The following PROS1 variants were observed in gnomAD, a reference collection of about 807,000 sequenced individuals.
The protein encoded by PROS1 is vitamin K-dependent protein S.
Under a neutral mutation model 75.9 loss-of-function variants are expected in PROS1, and 29 were observed. That is an observed-to-expected ratio of 0.38 (90% CI 0.28 to 0.52). PROS1 has a LOEUF of 0.52. Among genes scored for constraint, PROS1 ranks in the 20% least tolerant of loss-of-function variants. The pLI, the probability that PROS1 is intolerant of heterozygous loss-of-function variation, is 0.83. For synonymous variants in PROS1, 245 were observed against 280.6 expected (o/e 0.87, Z 1.27); for missense variants, 680 against 810.3 (o/e 0.84, Z 1.95).
chr3:93,946,736 A>G (rs1709407567), intron 1 of PROS1, among the ~76,000 whole-genome samples: 1 of 152,050 alleles, frequency 6.6e-6, no homozygotes, highest in Non-Finnish European at 1.5e-5. Context: ...CATTCAGGCC[A>G]CAGGCATGGG....
chr3:93,877,213 C>A (rs765866871), intron 13 of PROS1, 22 bp from the exon 14 acceptor site: 2 of 1,542,116 alleles, frequency 1.3e-6, no homozygotes, highest in South Asian at 1.1e-5. Flanking sequence ...AGCAAAGATT[C>A]AATATAAGCA....
At chr3:93,915,134 C>G (rs1708822089) in intron 3 of PROS1, among the ~76,000 whole-genome samples, 2 of 152,180 alleles carry the variant, frequency 1.3e-5, no homozygotes, top group South Asian at 2.1e-4. Context: ...AGCTTTAAAT[C>G]ATTTCTCTTT....
rs1421085031 is a variant in PROS1, at chr3:93,877,051, G to T, written c.1785C>A (p.Ile595=). ...ELSTPLKIET[I]SHEDLQRQLA... is the part of the protein sequence containing the mutation. Reference sequence around the variant, plus strand: ...GTTGTCTTTGAAGGTCTTCATGGGAGATGGTTTCTATTTTAAGTGGTGTCG... The same window carrying T: ...GTTGTCTTTGAAGGTCTTCATGGGATATGGTTTCTATTTTAAGTGGTGTCG... The change falls in exon 14 of 15, where the codon ATC becomes ATA. Residue 595 remains isoleucine, a synonymous_variant. Transcript: ENST00000394236. 6.2e-7 allele frequency: 1 copy of T among 1,614,008 alleles called. No individual in the cohort carries two copies. The highest frequency in any genetic ancestry group is 8.5e-7 in the Non-Finnish European group (1 of 1,179,912).
At chr3:93,908,494 T>C (rs1413192190) in intron 4 of PROS1, among the ~76,000 whole-genome samples, 2 of 151,680 alleles carry the variant, frequency 1.3e-5, no homozygotes, top group East Asian at 3.9e-4. Context: ...AGGGAAAAAA[T>C]GTGTGTGTAT....
Position 93,896,632 on chromosome 3 carries a change from C to T in PROS1, c.909G>A (p.Ala303=), listed in dbSNP as rs537938359. The part of the protein sequence containing the change: ...LDTKYELLYL[A]EQFAGVVLYL... ...ATAAAACAACCCCTGCAAACTGCTC[C>T]GCCAAGTAAAGTAATTCATACTTTG... is the stretch of plus-strand genomic sequence containing the variant. The change falls in exon 9 of 15, where the codon GCG becomes GCA. Residue 303 remains alanine (A), a synonymous_variant. Coordinates refer to ENST00000394236, the MANE Select transcript of PROS1 (RefSeq NM_000313.4). The T allele has an allele frequency of 1.7e-5, 27 of 1,613,758 alleles. No individual in the cohort carries two copies. The highest frequency in any genetic ancestry group is 4.5e-5 in the East Asian group (2 of 44,820).
chr3:93,953,733 C>T (rs1427932819), intron 1 of PROS1, among the ~76,000 whole-genome samples: 3 of 152,120 alleles, frequency 2.0e-5, no homozygotes, highest in Admixed American at 2.0e-4. Context: ...CCAGGGCAAT[C>T]AGGCAGGAGA....
At chr3:93,973,521 T>C in intron 1 of PROS1, 153 bp downstream of exon 1, 3 of 761,494 alleles carry the variant, frequency 3.9e-6, no homozygotes, top group Non-Finnish European at 6.9e-6. Context: ...GCCTGCTCTA[T>C]CCACGGCTGT....
intron 4 of PROS1, among the ~76,000 whole-genome samples, chr3:93,910,140 G>A (rs200120858): frequency 6.6e-6 from 1 of 152,152 alleles, no homozygotes; most frequent in African/African-American, 2.4e-5. Context: ...CCAAAAAAGA[G>A]TCAAAAATAA....
At chr3:93,969,766 CT>C (rs1217397761) in intron 1 of PROS1, among the ~76,000 whole-genome samples, 1 of 152,198 alleles carries the variant, frequency 6.6e-6, no homozygotes, top group Non-Finnish European at 1.5e-5. Context: ...CTTCCTTCCT[CT>C]CTTTTTTCTT....
At chr3:93,903,960 T>C (rs1440801785) in intron 6 of PROS1, among the ~76,000 whole-genome samples, 1 of 133,990 alleles carries the variant, frequency 7.5e-6, no homozygotes, top group African/African-American at 2.8e-5. Context: ...TGCTATCCCT[T>C]CCCCCTCCCC....
intron 1 of PROS1, among the ~76,000 whole-genome samples, chr3:93,971,877 C>T (rs548493901): frequency 6.6e-6 from 1 of 152,150 alleles, no homozygotes; most frequent in South Asian, 2.1e-4. Context: ...TCCAAATTTC[C>T]TCATAAGTAA....
chr3:93,879,238 C>A lies in PROS1; in HGVS notation c.1569G>T (p.Met523Ile). 1 of 1,614,114 alleles carries A rather than the reference C, an allele frequency of 6.2e-7. No individual in the cohort carries two copies. The highest frequency in any genetic ancestry group is 8.5e-7 in the Non-Finnish European group (1 of 1,179,984). Residue 523 changes from methionine to isoleucine, a missense_variant, in exon 13 of 15, where the codon ATG (methionine) becomes ATT (isoleucine). Coordinates refer to ENST00000394236, the MANE Select transcript of PROS1 (RefSeq NM_000313.4). ...TGTTGTTACCAGAAACCAAGGCAAGCATAACACCAGTGCCCGTGGATGGAC... is the reference window on the plus strand; with the variant it reads ...TGTTGTTACCAGAAACCAAGGCAAGAATAACACCAGTGCCCGTGGATGGAC... ...NIRPSTGTGV[M>I]LALVSGNNTV...
At chr3:93,895,693 T>C (rs1708492530) in intron 9 of PROS1, among the ~76,000 whole-genome samples, 1 of 152,188 alleles carries the variant, frequency 6.6e-6, no homozygotes, top group East Asian at 1.9e-4. Flanking sequence ...TGTATGCTTC[T>C]GAGAAAATCT....
intron 6 of PROS1, among the ~76,000 whole-genome samples, chr3:93,904,405 A>C (rs1481062828): frequency 6.6e-6 from 1 of 152,214 alleles, no homozygotes. Flanking sequence ...CACAAATTGG[A>C]TAACTGTTTA....
intron 13 of PROS1, among the ~76,000 whole-genome samples, chr3:93,878,434 T>A (rs951979325): frequency 4.6e-5 from 7 of 152,206 alleles, no homozygotes; most frequent in Non-Finnish European, 7.3e-5. Context: ...CAACCACAGG[T>A]CTCTTTCTAA....
At chr3:93,973,612 C>T in intron 1 of PROS1, 62 bp downstream of exon 1, 3 of 1,557,058 alleles carry the variant, frequency 1.9e-6, no homozygotes, top group Non-Finnish European at 2.6e-6. Context: ...TCCTACCAAC[C>T]AGGGCACGCA....
chr3:93,955,022 T>TGA (rs1315589680), intron 1 of PROS1, among the ~76,000 whole-genome samples: 3 of 152,082 alleles, frequency 2.0e-5, no homozygotes, highest in African/African-American at 7.2e-5. Flanking sequence ...AAAACCACAA[T>TGA]GAGATACCAT....
intron 1 of PROS1, among the ~76,000 whole-genome samples, chr3:93,935,861 G>A (rs373166230): frequency 7.4e-5 from 11 of 149,316 alleles, no homozygotes; most frequent in Admixed American, 4.7e-4. Context: ...AAGGAAAGGA[G>A]AGAATATCAT....
intron 1 of PROS1, among the ~76,000 whole-genome samples, chr3:93,951,047 A>G (rs1709486924): frequency 6.6e-6 from 1 of 152,232 alleles, no homozygotes; most frequent in African/African-American, 2.4e-5. Flanking sequence ...TTTAGAGAAA[A>G]AAGAGTAAAA....
Sources: gnomAD v4.1 joint callset for allele counts (sites outside exome capture counted in the v4.1 genomes callset) on GRCh38, gnomAD v4.1.1 for gene constraint, MANE v1.5 for transcripts, NCBI Gene and HGNC (gene_info 2026-07-23, HGNC 2026-07-21) for gene names.